Variants in ROR2 observed in about 807,000 individuals in gnomAD.
ROR2 encodes ROR family WNT receptor 2, also known as tyrosine-protein kinase transmembrane receptor ROR2.
In ROR2, 33 loss-of-function variants were observed where a neutral mutation model predicts 74.9. That is an observed-to-expected ratio of 0.44 (90% CI 0.33 to 0.59). The LOEUF (loss-of-function observed/expected upper bound fraction) is 0.59, where lower values mean the gene tolerates loss of function less well. Ranked by LOEUF, ROR2 falls within the 20% of genes least tolerant of loss-of-function variation. The pLI is 0.02. For synonymous variants in ROR2, 586 were observed against 558.7 expected (o/e 1.05, Z -0.69); for missense variants, 1,216 against 1,313.8 (o/e 0.93, Z 1.15).
intron 1 of ROR2, among the ~76,000 whole-genome samples, chr9:91,784,027 T>C (rs749567073): frequency 2.6e-5 from 4 of 151,882 alleles, no homozygotes; most frequent in Non-Finnish European, 5.9e-5. Flanking sequence ...GCCAGACCGC[T>C]CCCCTGAAAG....
At chr9:91,751,001 C>T (rs1487668868) in intron 4 of ROR2, among the ~76,000 whole-genome samples, 2 of 152,156 alleles carry the variant, frequency 1.3e-5, no homozygotes, top group Non-Finnish European at 2.9e-5. Flanking sequence ...GAAATAATAA[C>T]TCATGTGTTG....
chr9:91,910,145 C>T (rs1315293270), intron 1 of ROR2, among the ~76,000 whole-genome samples: 2 of 152,132 alleles, frequency 1.3e-5, no homozygotes, highest in African/African-American at 4.8e-5. Context: ...CAGGCGTGAG[C>T]AACCATGCCC....
chr9:91,870,655 T>G (rs1186759707), intron 1 of ROR2, among the ~76,000 whole-genome samples: 1 of 152,156 alleles, frequency 6.6e-6, no homozygotes, highest in African/African-American at 2.4e-5. Flanking sequence ...ATTTTTAACA[T>G]CAAATAAAGT....
chr9:91,844,027 C>T (rs1012190681), intron 1 of ROR2, among the ~76,000 whole-genome samples: 1 of 152,212 alleles, frequency 6.6e-6, no homozygotes, highest in Non-Finnish European at 1.5e-5. Flanking sequence ...CACTCTCCTT[C>T]TAAATGCTTT....
rs375565135 is a variant in ROR2, at chr9:91,943,920, C to T, written c.97+5947G>A. Among the ~76,000 whole-genome samples the T allele has an allele frequency of 3.9e-5, 6 of 152,130 alleles. No homozygotes were observed. In the East Asian group the frequency reaches 5.8e-4, roughly 15 times the overall value. On this transcript the variant is annotated intron_variant, in intron 1 of 8. Transcript: ENST00000375708. ...ACCTCAACATAGTAAAAGCCATATA[C>T]GACAAGCCCAGCAAACATCACACTC... is the stretch of plus-strand genomic sequence containing the variant.
chr9:91,922,106 C>CAACAACAACAACAACAACA (rs1165878437), intron 1 of ROR2, among the ~76,000 whole-genome samples: 1 of 141,036 alleles, frequency 7.1e-6, no homozygotes, highest in Non-Finnish European at 1.6e-5. Context: ...ACAGCAACAA[C>CAACAACAACAACAACAACA]AACAACAACA....
At chr9:91,929,578 T>C (rs1159930801) in intron 1 of ROR2, among the ~76,000 whole-genome samples, 1 of 152,202 alleles carries the variant, frequency 6.6e-6, no homozygotes, top group African/African-American at 2.4e-5. Flanking sequence ...AATTTGCCTC[T>C]GGTCCCCACG....
chr9:91,771,722 TTCTC>T lies in ROR2; in HGVS notation c.175+4015_175+4018del, dbSNP rs34716594. Among the ~76,000 whole-genome samples the T allele has an allele frequency of 4.0e-5, 6 of 150,866 alleles. No individual in the cohort carries two copies. The South Asian group carries it at 8.4e-4, about 21-fold the overall frequency. ...TCTCTCTCTCTCTCTCCTCTCTCTC[TTCTC>T]TCTCTCTCTCTCGATACCATCTACC... On this transcript the variant is annotated intron_variant, in intron 2 of 8. Coordinates refer to ENST00000375708, the MANE Select transcript of ROR2 (RefSeq NM_004560.4).
chr9:91,882,656 A>G (rs1439794804), intron 1 of ROR2, among the ~76,000 whole-genome samples: 1 of 152,202 alleles, frequency 6.6e-6, no homozygotes, highest in African/African-American at 2.4e-5. Flanking sequence ...GGACCTCAAA[A>G]TATGACTGTG....
chr9:91,916,757 G>A (rs531643480), intron 1 of ROR2, among the ~76,000 whole-genome samples: 1 of 152,148 alleles, frequency 6.6e-6, no homozygotes, highest in African/African-American at 2.4e-5. Context: ...AAAAATCTTG[G>A]AATCGCTCTT....
At chr9:91,770,190 C>T (rs544479102) in intron 2 of ROR2, among the ~76,000 whole-genome samples, 1 of 152,364 alleles carries the variant, frequency 6.6e-6, no homozygotes, top group Non-Finnish European at 1.5e-5. Context: ...GACTGCACCA[C>T]GCTCCCCTGT....
chr9:91,945,495 T>C (rs552014181), intron 1 of ROR2, among the ~76,000 whole-genome samples: 39 of 152,342 alleles, frequency 2.6e-4, no homozygotes, highest in Non-Finnish European at 4.3e-4. Context: ...ACAGAGTGCT[T>C]ACTGAAGCTC....
chr9:91,757,875 A>G (rs1320959279), intron 2 of ROR2, among the ~76,000 whole-genome samples: 1 of 152,192 alleles, frequency 6.6e-6, no homozygotes, highest in Non-Finnish European at 1.5e-5. Flanking sequence ...TTCAATGTGT[A>G]CTGTTGATTC....
chr9:91,877,535 G>C (rs924310747), intron 1 of ROR2, among the ~76,000 whole-genome samples: 3 of 152,188 alleles, frequency 2.0e-5, no homozygotes, highest in African/African-American at 7.2e-5. Flanking sequence ...CAGGGGAAAT[G>C]AGTGATCTAA....
At chr9:91,771,991 G>T (rs750095712) in intron 2 of ROR2, among the ~76,000 whole-genome samples, 1 of 152,148 alleles carries the variant, frequency 6.6e-6, no homozygotes, top group Non-Finnish European at 1.5e-5. Flanking sequence ...ATGTGATTAG[G>T]CCAAATGTGG....
At chr9:91,782,960 A>G (rs1363585972) in intron 1 of ROR2, among the ~76,000 whole-genome samples, 1 of 152,220 alleles carries the variant, frequency 6.6e-6, no homozygotes, top group Admixed American at 6.5e-5. Context: ...CAGCCTAAAC[A>G]ATGGAAACGC....
At chr9:91,930,491 G>T (rs1379325971) in intron 1 of ROR2, among the ~76,000 whole-genome samples, 1 of 152,248 alleles carries the variant, frequency 6.6e-6, no homozygotes, top group Non-Finnish European at 1.5e-5. Flanking sequence ...CCTTTGTTCA[G>T]TGTGCTCTTG....
chr9:91,740,484 G>A (rs1347955330), intron 4 of ROR2, among the ~76,000 whole-genome samples: 5 of 151,352 alleles, frequency 3.3e-5, no homozygotes, highest in East Asian at 1.9e-4. Flanking sequence ...CCCAGGAGGC[G>A]GAGCTTGCAG....
intron 5 of ROR2, among the ~76,000 whole-genome samples, chr9:91,734,692 T>C (rs774821629): frequency 4.6e-5 from 7 of 152,094 alleles, no homozygotes; most frequent in South Asian, 2.1e-4. Flanking sequence ...TTTCTGTACC[T>C]GAAGAGTGAT....
Sources: allele counts gnomAD v4.1 joint callset (sites outside exome capture counted in the v4.1 genomes callset), GRCh38; gene constraint gnomAD v4.1.1; transcripts MANE v1.5; gene names NCBI Gene and HGNC (gene_info 2026-07-23, HGNC 2026-07-21).